The following RBM6 variants were observed in gnomAD, a reference collection of about 807,000 sequenced individuals.
The protein encoded by RBM6 is RNA binding motif protein 6, also known as RNA-binding protein 6.
A neutral mutation model predicts 140.4 loss-of-function variants in RBM6; 23 were observed. That is an observed-to-expected ratio of 0.16 (90% CI 0.12 to 0.23). The LOEUF is 0.23. RBM6 is among the 10% of genes least tolerant of loss of function. The pLI is 1.00. For missense variants in RBM6, 1,139 were observed against 1,386.7 expected, an observed-to-expected ratio of 0.82 and a Z score of 2.84; for synonymous variants, 439 against 475.6, an observed-to-expected ratio of 0.92 and a Z score of 1.00.
At position 50,036,350 on chromosome 3, in the gene RBM6, A is replaced by G. The variant is rs1227706109; in HGVS notation, c.1558-11895A>G. Reference sequence around the variant, plus strand: ...ATTGCCAAGGCATACAGGTCTGATCAGGAGAGTTTCTTGATGACTAGCTAT... The same window carrying G: ...ATTGCCAAGGCATACAGGTCTGATCGGGAGAGTTTCTTGATGACTAGCTAT... On this transcript the variant is annotated intron_variant, in intron 6 of 20. Coordinates refer to ENST00000266022, the MANE Select transcript of RBM6 (RefSeq NM_005777.3). Among the ~76,000 whole-genome samples, 9 of 152,320 alleles carry G rather than the reference A, an allele frequency of 5.9e-5. No individual in the cohort carries two copies. In the South Asian group the frequency reaches 1.9e-3, roughly 32 times the overall value.
chr3:50,077,072 A>G lies in RBM6; in HGVS notation c.3311A>G (p.Asn1104Ser), dbSNP rs1285275383. ...GGAAGAACCAGCAAAAGACAGTCCAACGAGACTTACCGAGATGCTGTTCGA... is the reference window on the plus strand; with the variant it reads ...GGAAGAACCAGCAAAAGACAGTCCAGCGAGACTTACCGAGATGCTGTTCGA... ...ASGRTSKRQSNETYRDAVRRV... is the reference protein window; with the variant it reads ...ASGRTSKRQSSETYRDAVRRV... The change falls in exon 21 of 21, where the codon AAC becomes AGC. Residue 1104 changes from asparagine (N) to serine (S), a missense_variant. By Grantham distance (46) the Asn-to-Ser change is conservative (BLOSUM62 1). Around this residue, in one of 9 missense-constraint regions of RBM6, gnomAD observed 125 missense variants for 142.0 expected, o/e 0.88. Transcript: ENST00000266022. 6 of 1,613,328 alleles carry G rather than the reference A, an allele frequency of 3.7e-6. No individual in the cohort carries two copies. The highest frequency in any genetic ancestry group is 2.2e-5 in the East Asian group (1 of 44,854).
chr3:50,035,722 A>G (rs1488717557), intron 6 of RBM6, among the ~76,000 whole-genome samples: 1 of 151,898 alleles, frequency 6.6e-6, no homozygotes. Flanking sequence ...CATGCTTCCT[A>G]ATACTGTTCA....
At chr3:49,954,669 G>A (rs1410628553) in intron 1 of RBM6, among the ~76,000 whole-genome samples, 1 of 151,964 alleles carries the variant, frequency 6.6e-6, no homozygotes, top group African/African-American at 2.4e-5. Flanking sequence ...GCTTTGTGGT[G>A]AGTTTTGGAA....
At chr3:49,979,492 T>C (rs1247423854) in intron 5 of RBM6, among the ~76,000 whole-genome samples, 1 of 146,814 alleles carries the variant, frequency 6.8e-6, no homozygotes, top group African/African-American at 2.6e-5. Flanking sequence ...TAGGCAGGAG[T>C]GCAGTGGCAT....
At chr3:49,944,871 AT>A (rs199562721) in intron 1 of RBM6, among the ~76,000 whole-genome samples, 2 of 147,640 alleles carry the variant, frequency 1.4e-5, no homozygotes, top group Admixed American at 6.9e-5. Context: ...TCTATGTGTA[AT>A]TTTTTTTTAA....
At chr3:50,016,497 C>T (rs996392127) in intron 6 of RBM6, among the ~76,000 whole-genome samples, 2 of 119,610 alleles carry the variant, frequency 1.7e-5, no homozygotes, top group African/African-American at 5.7e-5. Context: ...TGGTGATTCT[C>T]GTTTTAGTTT....
chr3:50,014,076 A>G lies in RBM6; in HGVS notation c.1557+14563A>G, dbSNP rs73832790. On this transcript the variant is annotated intron_variant, in intron 6 of 20. Transcript: ENST00000266022. ...TGAAAAATACTGGTGTAAGGAGACA[A>G]GAGTTGTGGTTAGTCAGAAAGGATG... Among the ~76,000 whole-genome samples, 996 of 152,322 alleles carry G rather than the reference A, an allele frequency of 6.5e-3. 13 individuals are homozygous for G. The highest frequency in any genetic ancestry group is 0.023 in the African/African-American group (967 of 41,562).
chr3:50,043,766 TA>T (rs2089064933), intron 6 of RBM6, among the ~76,000 whole-genome samples: 1 of 152,010 alleles, frequency 6.6e-6, no homozygotes, highest in East Asian at 2.0e-4. Flanking sequence ...GTATTTTTAG[TA>T]GAGACGGGAT....
chr3:49,958,782 C>CTTTTTT (rs35853185), intron 1 of RBM6, among the ~76,000 whole-genome samples: 1 of 114,350 alleles, frequency 8.7e-6, no homozygotes, highest in Non-Finnish European at 1.7e-5. Context: ...TGAAGAATTC[C>CTTTTTT]TTTTTTTTTT....
chr3:49,985,943 A>G (rs1443694081), intron 5 of RBM6, among the ~76,000 whole-genome samples: 2 of 151,868 alleles, frequency 1.3e-5, no homozygotes, highest in Admixed American at 6.6e-5. Context: ...TCAGTTGAGT[A>G]CATTGTGTTA....
rs34249907 is a variant in RBM6, at chr3:49,945,176, A to ATTT, written c.-67+4969_-67+4971dup. On this transcript the variant is annotated intron_variant, in intron 1 of 20. Coordinates refer to ENST00000266022, the MANE Select transcript of RBM6 (RefSeq NM_005777.3). Reference sequence around the variant, plus strand: ...AGGCGTGAGCCACCGCGCCCGGCCAATTTTTTTTTTTTTTTTTTTTAGACA... The same window carrying ATTT: ...AGGCGTGAGCCACCGCGCCCGGCCAATTTTTTTTTTTTTTTTTTTTTTTAGACA... Among the ~76,000 whole-genome samples, 99 of 122,116 alleles carry ATTT rather than the reference A, an allele frequency of 8.1e-4. 1 individual carries two copies. Among genetic ancestry groups the ATTT allele is most frequent in the East Asian group, 1.0e-3 (4 of 3,972 alleles). The allele number at this position is 122,116 out of a possible 152,430, so 80.1% of individuals were successfully genotyped here. A position where few individuals can be genotyped will look rare whatever the true frequency, so the allele number is the denominator to read the frequency against.
chr3:50,000,657 G>C (rs2086284541), intron 6 of RBM6, among the ~76,000 whole-genome samples: 1 of 152,112 alleles, frequency 6.6e-6, no homozygotes, highest in Non-Finnish European at 1.5e-5. Context: ...GACCTCAGGT[G>C]ATCTGCCTGC....
intron 6 of RBM6, among the ~76,000 whole-genome samples, chr3:50,001,140 A>T (rs1039407733): frequency 6.6e-6 from 1 of 152,172 alleles, no homozygotes; most frequent in African/African-American, 2.4e-5. Flanking sequence ...GGACATATTC[A>T]GGAAAAAAAT....
chr3:49,966,981 A>C (rs894061559), intron 2 of RBM6, among the ~76,000 whole-genome samples: 1 of 152,122 alleles, frequency 6.6e-6, no homozygotes, highest in African/African-American at 2.4e-5. Context: ...CTGTATCTGT[A>C]ATAAAATATT....
At chr3:49,996,412 A>G (rs542219129) in intron 5 of RBM6, among the ~76,000 whole-genome samples, 18 of 152,300 alleles carry the variant, frequency 1.2e-4, no homozygotes, top group Admixed American at 2.6e-4. Flanking sequence ...CTTGAGTTAG[A>G]TGCAATTTAA....
At chr3:49,987,700 G>A (rs1441818341) in intron 5 of RBM6, among the ~76,000 whole-genome samples, 4 of 151,116 alleles carry the variant, frequency 2.6e-5, no homozygotes, top group African/African-American at 9.7e-5. Context: ...ATGCAATAAT[G>A]CGATCTCTGC....
At chr3:49,956,328 C>CGTT (rs2083986713) in intron 1 of RBM6, among the ~76,000 whole-genome samples, 3 of 72,048 alleles carry the variant, frequency 4.2e-5, no homozygotes, top group African/African-American at 5.9e-5. Context: ...CCCTCCCCCG[C>CGTT]TTTTTTTTTT....
At chr3:50,002,218 G>A (rs1049241866) in intron 6 of RBM6, among the ~76,000 whole-genome samples, 1 of 151,854 alleles carries the variant, frequency 6.6e-6, no homozygotes, top group South Asian at 2.1e-4. Flanking sequence ...CTCCCAGGTA[G>A]CTGGGACTAC....
rs374882591 is a variant in RBM6, at chr3:49,952,965, C to T, written c.-66-9611C>T. On this transcript the variant is annotated intron_variant, in intron 1 of 20. Transcript: ENST00000266022. The stretch of plus-strand genomic sequence containing the variant: ...GTTTTGCTGTGTTGCCCAGGTTGGT[C>T]TTGAACTCCTGGTCTTAAGTGATCC... Among the ~76,000 whole-genome samples the T allele has an allele frequency of 3.3e-5, 5 of 152,160 alleles. No homozygotes were observed. The South Asian group carries it at 1.0e-3, about 32-fold the overall frequency.
Sources: allele counts gnomAD v4.1 joint callset (sites outside exome capture counted in the v4.1 genomes callset), GRCh38; gene constraint gnomAD v4.1.1; regional missense constraint gnomAD v4.1.1; transcripts MANE v1.5; gene names NCBI Gene and HGNC (gene_info 2026-07-23, HGNC 2026-07-21).